Variants in RNF2 observed in about 807,000 individuals in gnomAD.
RNF2 encodes ring finger protein 2, also known as E3 ubiquitin-protein ligase RING2.
Under a neutral mutation model 37.2 loss-of-function variants are expected in RNF2, and 6 were observed. The ratio of observed to expected loss-of-function variants is 0.16; its 90% CI spans 0.09 to 0.32. The LOEUF (loss-of-function observed/expected upper bound fraction) is 0.32. Among genes scored for constraint, RNF2 ranks in the 10% least tolerant of loss-of-function variants. The pLI, the probability that RNF2 is intolerant of heterozygous loss-of-function variation, is 1.00. For synonymous variants in RNF2, 133 were observed against 132.7 expected (o/e 1.00, Z -0.02); for missense variants, 251 against 404.0 (o/e 0.62, Z 3.25).
Position 185,100,202 on chromosome 1 carries a change from A to G in RNF2, c.912A>G (p.Val304=), listed in dbSNP as rs141325669. The change falls in exon 7 of 7, where the codon GTA becomes GTG. Residue 304 remains valine, a splice_region_variant and synonymous_variant. Coordinates refer to ENST00000367510, the MANE Select transcript of RNF2 (RefSeq NM_007212.4). ...TTTTTCTTTCTTTTTTGTTTTAGGTATTAAATGGCTCTTTTTCTTTGGAAT... is the reference window on the plus strand; with the variant it reads ...TTTTTCTTTCTTTTTTGTTTTAGGTGTTAAATGGCTCTTTTTCTTTGGAAT... ...YIATASGQFT[V]LNGSFSLELV... 25 of 1,595,028 alleles carry G rather than the reference A, an allele frequency of 1.6e-5. 1 individual carries two copies. In the African/African-American group the frequency reaches 3.1e-4, roughly 20 times the overall value.
At chr1:185,067,912 TG>T (rs1184727039) in intron 1 of RNF2, among the ~76,000 whole-genome samples, 4 of 151,760 alleles carry the variant, frequency 2.6e-5, no homozygotes, top group African/African-American at 9.7e-5. Flanking sequence ...GGTTTCACCG[TG>T]TTGGCCAGGA....
In RNF2 at chr1:185,060,914, T is replaced by C. The variant is rs565952406; in HGVS notation, c.-3+15265T>C. Among the ~76,000 whole-genome samples the C allele has an allele frequency of 3.3e-5, 5 of 151,782 alleles. No homozygotes were observed. In the South Asian group the frequency reaches 1.0e-3, roughly 32 times the overall value. On this transcript the variant is annotated intron_variant, in intron 1 of 6. Coordinates refer to ENST00000367510, the MANE Select transcript of RNF2 (RefSeq NM_007212.4). ...TAGGAAGATCACTTGAGGCCAGGAG[T>C]TCAATACCAGCCTGGGCAACATAGC...
At chr1:185,079,239 G>A (rs1237522955) in intron 1 of RNF2, among the ~76,000 whole-genome samples, 1 of 151,884 alleles carries the variant, frequency 6.6e-6, no homozygotes, top group Non-Finnish European at 1.5e-5. Flanking sequence ...CTTTTTTTCA[G>A]AAGTATAATT....
intron 4 of RNF2, among the ~76,000 whole-genome samples, chr1:185,093,876 A>G (rs1651838654): frequency 6.6e-6 from 1 of 152,142 alleles, no homozygotes; most frequent in African/African-American, 2.4e-5. Flanking sequence ...TCTTTTCAAT[A>G]CAAAATCTGT....
At chr1:185,090,253 G>GT (rs1651730517) in intron 2 of RNF2, among the ~76,000 whole-genome samples, 1 of 152,124 alleles carries the variant, frequency 6.6e-6, no homozygotes, top group African/African-American at 2.4e-5. Flanking sequence ...CACCAAGGTG[G>GT]TTTTCCCTTT....
At chr1:185,053,107 C>G (rs923220494) in intron 1 of RNF2, among the ~76,000 whole-genome samples, 2 of 152,164 alleles carry the variant, frequency 1.3e-5, no homozygotes, top group African/African-American at 2.4e-5. Flanking sequence ...AAGTCAGGCT[C>G]TAGACATTGA....
chr1:185,081,514 C>T lies in RNF2; in HGVS notation c.-2-6038C>T, dbSNP rs578173538. On this transcript the variant is annotated intron_variant, in intron 1 of 6. Coordinates refer to ENST00000367510, the MANE Select transcript of RNF2 (RefSeq NM_007212.4). ...GTTCAAGTGATTATCCTGCCTCAGCCTCCTGAGTAGCTGGGATTACAGGTG... is the reference window on the plus strand; with the variant it reads ...GTTCAAGTGATTATCCTGCCTCAGCTTCCTGAGTAGCTGGGATTACAGGTG... Among the ~76,000 whole-genome samples the T allele has an allele frequency of 3.4e-5, 5 of 148,768 alleles. No individual in the cohort carries two copies. The South Asian group carries it at 1.1e-3, about 32-fold the overall frequency.
At chr1:185,072,480 G>A (rs571358364) in intron 1 of RNF2, among the ~76,000 whole-genome samples, 4 of 152,032 alleles carry the variant, frequency 2.6e-5, no homozygotes, top group Non-Finnish European at 5.9e-5. Context: ...AAGAGAGAAC[G>A]TGAGATAAAG....
intron 2 of RNF2, among the ~76,000 whole-genome samples, chr1:185,090,993 G>T (rs886253317): frequency 1.3e-5 from 2 of 152,160 alleles, no homozygotes; most frequent in African/African-American, 4.8e-5. Flanking sequence ...TGACTACTTT[G>T]TATAAAATTG....
chr1:185,081,184 G>A (rs549080522), intron 1 of RNF2, among the ~76,000 whole-genome samples: 59 of 152,200 alleles, frequency 3.9e-4, no homozygotes, highest in East Asian at 1.2e-3. Flanking sequence ...ACACATTTTT[G>A]CCAATGAGAA....
intron 1 of RNF2, among the ~76,000 whole-genome samples, chr1:185,060,564 T>A (rs1650568139): frequency 6.6e-6 from 1 of 152,230 alleles, no homozygotes; most frequent in Admixed American, 6.5e-5. Context: ...TAGTCCTTTA[T>A]AAGAATGTGA....
chr1:185,067,111 A>G (rs1314670641), intron 1 of RNF2, among the ~76,000 whole-genome samples: 1 of 152,256 alleles, frequency 6.6e-6, no homozygotes, highest in Non-Finnish European at 1.5e-5. Context: ...GAAAAGATAC[A>G]ATCAAATTAG....
intron 1 of RNF2, among the ~76,000 whole-genome samples, chr1:185,087,096 A>C (rs1389227085): frequency 1.3e-5 from 2 of 152,102 alleles, no homozygotes; most frequent in East Asian, 3.8e-4. Flanking sequence ...CCAGTGAATA[A>C]TTTGTTTTTT....
intron 1 of RNF2, among the ~76,000 whole-genome samples, chr1:185,082,733 C>T (rs761025181): frequency 2.6e-5 from 4 of 152,108 alleles, no homozygotes; most frequent in African/African-American, 4.8e-5. Context: ...GTCGATGTTG[C>T]GAGTAGTCTC....
At chr1:185,097,474 A>G (rs1195101921) in intron 4 of RNF2, among the ~76,000 whole-genome samples, 1 of 152,232 alleles carries the variant, frequency 6.6e-6, no homozygotes, top group African/African-American at 2.4e-5. Context: ...CTGTAACCCC[A>G]TGAGAGAAAA....
At chr1:185,070,958 C>T (rs570333665) in intron 1 of RNF2, among the ~76,000 whole-genome samples, 1 of 152,138 alleles carries the variant, frequency 6.6e-6, no homozygotes, top group African/African-American at 2.4e-5. Flanking sequence ...TTTTTATTCC[C>T]TCAACTAACT....
chr1:185,053,517 T>C (rs1557958594), intron 1 of RNF2, among the ~76,000 whole-genome samples: 1 of 151,958 alleles, frequency 6.6e-6, no homozygotes, highest in Non-Finnish European at 1.5e-5. Flanking sequence ...TTTTCTTTCT[T>C]TCTTTTTTCT....
chr1:185,049,492 A>G (rs970166317), intron 1 of RNF2, among the ~76,000 whole-genome samples: 3 of 152,184 alleles, frequency 2.0e-5, no homozygotes, highest in Non-Finnish European at 2.9e-5. Flanking sequence ...CCTTTATGAA[A>G]TAGTTTTTAT....
intron 4 of RNF2, among the ~76,000 whole-genome samples, chr1:185,094,136 T>TA (rs1031925572): frequency 2.0e-5 from 3 of 151,630 alleles, no homozygotes; most frequent in African/African-American, 7.3e-5. Context: ...AGTCAGTTTT[T>TA]TTTTTTTATT....
Sources: allele counts gnomAD v4.1 joint callset (sites outside exome capture counted in the v4.1 genomes callset), GRCh38; gene constraint gnomAD v4.1.1; transcripts MANE v1.5; gene names NCBI Gene and HGNC (gene_info 2026-07-23, HGNC 2026-07-21).